The following NRXN1 variants were observed in gnomAD, a reference collection of about 807,000 sequenced individuals.
The protein encoded by NRXN1 is neurexin 1.
NRXN1 carries 39 observed loss-of-function variants against 150.9 expected under a neutral mutation model. The observed-to-expected ratio is 0.26, with a 90% CI of 0.20 to 0.34. The LOEUF (loss-of-function observed/expected upper bound fraction) is 0.34. Ranked by LOEUF, NRXN1 falls within the 10% of genes least tolerant of loss-of-function variation. NRXN1 has a pLI of 1.00. For synonymous variants in NRXN1, 924 were observed against 757.0 expected (o/e 1.22, Z -3.62); for missense variants, 1,815 against 1,949.9 (o/e 0.93, Z 1.30).
intron 5 of NRXN1, among the ~76,000 whole-genome samples, chr2:50,814,079 G>C (rs1331542315): frequency 2.0e-5 from 3 of 152,158 alleles, no homozygotes; most frequent in Non-Finnish European, 4.4e-5. Flanking sequence ...CAGTAGGTAA[G>C]TATGGCAACT....
At chr2:50,422,877 C>G (rs2084109603) in intron 17 of NRXN1, among the ~76,000 whole-genome samples, 1 of 152,136 alleles carries the variant, frequency 6.6e-6, no homozygotes. Context: ...CCCAGGCTTC[C>G]TGACCACTCT....
chr2:50,351,720 T>C (rs1321572610), intron 17 of NRXN1, among the ~76,000 whole-genome samples: 1 of 152,162 alleles, frequency 6.6e-6, no homozygotes, highest in Non-Finnish European at 1.5e-5. Context: ...CATATAATCA[T>C]TACAAAATGA....
chr2:50,302,250 T>C (rs1235541025), intron 17 of NRXN1, among the ~76,000 whole-genome samples: 2 of 152,176 alleles, frequency 1.3e-5, no homozygotes, highest in Non-Finnish European at 2.9e-5. Context: ...AGTTTCTTTT[T>C]TGCAGAGATT....
intron 18 of NRXN1, among the ~76,000 whole-genome samples, chr2:50,195,506 A>G (rs2061702583): frequency 6.6e-6 from 1 of 152,194 alleles, no homozygotes; most frequent in Non-Finnish European, 1.5e-5. Context: ...TTTCCTATCA[A>G]TAACAGTGCT....
intron 17 of NRXN1, among the ~76,000 whole-genome samples, chr2:50,286,461 T>A (rs572487199): frequency 6.6e-6 from 1 of 152,200 alleles, no homozygotes; most frequent in South Asian, 2.1e-4. Context: ...TTGACAGAAT[T>A]TCCATCTTTA....
At chr2:50,779,468 C>T (rs925447976) in intron 5 of NRXN1, among the ~76,000 whole-genome samples, 5 of 152,060 alleles carry the variant, frequency 3.3e-5, no homozygotes, top group Non-Finnish European at 5.9e-5. Flanking sequence ...GTGAACAGTG[C>T]AGCAATAAAA....
At chr2:50,155,375 C>T (rs1159591266) in intron 18 of NRXN1, among the ~76,000 whole-genome samples, 1 of 150,646 alleles carries the variant, frequency 6.6e-6, no homozygotes, top group Non-Finnish European at 1.5e-5. Context: ...CTCAGGCATA[C>T]ATATACACTT....
chr2:50,432,507 T>C (rs1413737659), intron 17 of NRXN1, among the ~76,000 whole-genome samples: 2 of 152,198 alleles, frequency 1.3e-5, no homozygotes, highest in Non-Finnish European at 2.9e-5. Context: ...TATACTTCTT[T>C]CCTGTTACTT....
intron 5 of NRXN1, among the ~76,000 whole-genome samples, chr2:50,749,086 C>T (rs749545000): frequency 6.6e-6 from 1 of 152,078 alleles, no homozygotes; most frequent in African/African-American, 2.4e-5. Flanking sequence ...TTCTTTTACA[C>T]ATTTTCTCAA....
chr2:50,033,788 C>T (rs975425574), intron 21 of NRXN1, among the ~76,000 whole-genome samples: 20 of 151,648 alleles, frequency 1.3e-4, no homozygotes, highest in Admixed American at 4.6e-4. Context: ...CACACACACA[C>T]ACAAACCCAA....
chr2:50,631,060 A>G, intron 5 of NRXN1: 1 of 446,012 alleles, frequency 2.2e-6, no homozygotes, highest in Non-Finnish European at 4.6e-6. Flanking sequence ...TAACTGAGAA[A>G]TTAAAACAAT....
intron 21 of NRXN1, among the ~76,000 whole-genome samples, chr2:50,003,086 A>G (rs1337169145): frequency 6.6e-6 from 1 of 152,140 alleles, no homozygotes; most frequent in African/African-American, 2.4e-5. Context: ...GACAACTCCT[A>G]TATAAAAGCA....
At chr2:50,936,804 T>C (rs1674320771) in intron 2 of NRXN1, among the ~76,000 whole-genome samples, 1 of 152,010 alleles carries the variant, frequency 6.6e-6, no homozygotes, top group Admixed American at 6.6e-5. Context: ...AATAATAGAC[T>C]ATGAGAATTA....
chr2:50,926,533 T>C (rs1308380269), intron 2 of NRXN1, among the ~76,000 whole-genome samples: 1 of 151,912 alleles, frequency 6.6e-6, no homozygotes, highest in Non-Finnish European at 1.5e-5. Flanking sequence ...GGTTAATTTA[T>C]AGCATATTAA....
chr2:49,936,208 C>T (rs1670998303), intron 22 of NRXN1, among the ~76,000 whole-genome samples: 1 of 152,294 alleles, frequency 6.6e-6, no homozygotes, highest in Middle Eastern at 3.4e-3. Context: ...CACTTATATG[C>T]TAAGTAATTA....
At chr2:50,392,785 C>A (rs2081810723) in intron 17 of NRXN1, among the ~76,000 whole-genome samples, 1 of 151,982 alleles carries the variant, frequency 6.6e-6, no homozygotes, top group Non-Finnish European at 1.5e-5. Context: ...AAAGCTATAT[C>A]AGGACTGCTA....
chr2:50,449,566 T>G (rs1189293287), intron 17 of NRXN1, among the ~76,000 whole-genome samples: 1 of 152,178 alleles, frequency 6.6e-6, no homozygotes, highest in East Asian at 1.9e-4. Flanking sequence ...TGAGTTTGCA[T>G]CTTTAGTAAG....
chr2:50,974,180 C>A (rs1358541778), intron 2 of NRXN1, among the ~76,000 whole-genome samples: 6 of 152,114 alleles, frequency 3.9e-5, no homozygotes, highest in Non-Finnish European at 8.8e-5. Context: ...GATGTGAATA[C>A]AGTTTTACTA....
intron 1 of NRXN1, among the ~76,000 whole-genome samples, chr2:51,031,296 T>G (rs1443137062): frequency 1.3e-5 from 2 of 152,080 alleles, no homozygotes; most frequent in Non-Finnish European, 2.9e-5. Context: ...ACAGCATCAT[T>G]AATCTTTTCT....
Sources: allele counts gnomAD v4.1 joint callset (sites outside exome capture counted in the v4.1 genomes callset), GRCh38; gene constraint gnomAD v4.1.1; transcripts MANE v1.5; gene names NCBI Gene and HGNC (gene_info 2026-07-23, HGNC 2026-07-21).